The following LRRC49 variants were observed in gnomAD, a reference collection of about 807,000 sequenced individuals.
The protein encoded by LRRC49 is leucine-rich repeat-containing protein 49.
Under a neutral mutation model 83.3 loss-of-function variants are expected in LRRC49, and 50 were observed. The ratio of observed to expected loss-of-function variants is 0.60; its 90% CI spans 0.48 to 0.76. The LOEUF is 0.76. Ranked by LOEUF, LRRC49 falls within the 30% of genes least tolerant of loss-of-function variation. LRRC49 has a pLI of 0.00. For missense variants in LRRC49, 704 were observed against 809.1 expected (o/e 0.87, Z 1.58); for synonymous variants, 286 against 283.3 (o/e 1.01, Z -0.10).
At chr15:70,902,859 C>T (rs1327397813) in intron 4 of LRRC49, among the ~76,000 whole-genome samples, 1 of 152,094 alleles carries the variant, frequency 6.6e-6, no homozygotes, top group Non-Finnish European at 1.5e-5. Context: ...CCTAGAAACT[C>T]CCCTTGAGGG....
intron 8 of LRRC49, among the ~76,000 whole-genome samples, chr15:70,955,331 T>C (rs923130428): frequency 2.0e-5 from 3 of 152,196 alleles, no homozygotes; most frequent in Admixed American, 6.5e-5. Flanking sequence ...GACAGCTCCA[T>C]GGATGTTAAA....
intron 8 of LRRC49, among the ~76,000 whole-genome samples, chr15:70,957,037 A>G (rs2036426203): frequency 6.6e-6 from 1 of 152,192 alleles, no homozygotes; most frequent in African/African-American, 2.4e-5. Flanking sequence ...TATAATGTAT[A>G]CTGGGCATAC....
intron 7 of LRRC49, among the ~76,000 whole-genome samples, chr15:70,935,585 CGAT>C (rs1567059449): frequency 2.6e-5 from 4 of 152,008 alleles, no homozygotes. Flanking sequence ...GGAAGAAAGA[CGAT>C]GATTTATGGA....
At chr15:70,953,840 TC>T (rs2036306333) in intron 8 of LRRC49, among the ~76,000 whole-genome samples, 2 of 152,166 alleles carry the variant, frequency 1.3e-5, no homozygotes, top group African/African-American at 4.8e-5. Flanking sequence ...ATTTTTGTCT[TC>T]CTTTGTTGCT....
chr15:70,909,839 AACACACACAC>A (rs146189261), intron 5 of LRRC49, among the ~76,000 whole-genome samples: 56 of 136,152 alleles, frequency 4.1e-4, no homozygotes, highest in African/African-American at 8.2e-4. Context: ...CTCCATCTCA[AACACACACAC>A]ACACACACAC....
chr15:70,953,384 A>G (rs2036288492), intron 8 of LRRC49, among the ~76,000 whole-genome samples: 1 of 152,030 alleles, frequency 6.6e-6, no homozygotes, highest in Non-Finnish European at 1.5e-5. Context: ...TCCTTTGCTG[A>G]TGAGGTTTAG....
intron 1 of LRRC49, chr15:70,854,103 C>T (rs756309403): frequency 2.4e-6 from 3 of 1,252,280 alleles, no homozygotes; most frequent in Non-Finnish European, 2.0e-6. Flanking sequence ...CGCGGGACTG[C>T]GGCGCCGCCG....
chr15:70,874,040 C>T (rs2033104171), intron 2 of LRRC49, among the ~76,000 whole-genome samples: 1 of 152,102 alleles, frequency 6.6e-6, no homozygotes, highest in Non-Finnish European at 1.5e-5. Flanking sequence ...TGTTAGTAAA[C>T]CAGTGTGTGA....
At position 71,012,879 on chromosome 15, in the gene LRRC49, C is replaced by T; in HGVS notation, c.1669C>T (p.Gln557Ter). The T allele has an allele frequency of 6.2e-7, 1 of 1,612,748 alleles. No homozygotes were observed. The highest frequency in any genetic ancestry group is 8.5e-7 in the Non-Finnish European group (1 of 1,179,190). Residue 557 changes from glutamine (Q) to a stop codon, truncating the protein, a stop_gained, in exon 14 of 16, where the codon CAG (glutamine) becomes TAG (stop). Coordinates refer to ENST00000260382, the MANE Select transcript of LRRC49 (RefSeq NM_017691.5). LOFTEE classifies it high-confidence loss of function. The part of the protein sequence containing the change: ...LAHVASSELP[Q>*]YRLISILGDA... ...ACATGTAGCATCTTCTGAGTTACCCCAGTATCGTCTGATTTCCATTCTGGG... is the reference window on the plus strand; with the variant it reads ...ACATGTAGCATCTTCTGAGTTACCCTAGTATCGTCTGATTTCCATTCTGGG...
At chr15:70,904,804 A>G (rs1406585736) in intron 5 of LRRC49, 49 bp downstream of exon 5, 3 of 1,359,580 alleles carry the variant, frequency 2.2e-6, no homozygotes, top group South Asian at 1.3e-5. Flanking sequence ...GTGTAGGATT[A>G]ATGTGGAGAT....
intron 15 of LRRC49, among the ~76,000 whole-genome samples, chr15:71,042,048 TAAG>T (rs1008678052): frequency 4.6e-5 from 7 of 152,226 alleles, no homozygotes; most frequent in African/African-American, 1.2e-4. Flanking sequence ...TTTATTTTAA[TAAG>T]AAGAGAAAAT....
chr15:71,003,557 G>A (rs1314426335), intron 11 of LRRC49, among the ~76,000 whole-genome samples: 3 of 152,084 alleles, frequency 2.0e-5, no homozygotes, highest in Non-Finnish European at 4.4e-5. Flanking sequence ...TCATTCTCCA[G>A]TCAACCACTA....
At position 71,031,541 on chromosome 15, in the gene LRRC49, CTT is replaced by C. The variant is rs1350008989; in HGVS notation, c.1704-5637_1704-5636del. ...CGTGCACTGTGCTGGGAGAATCCCTCTTGTCAGGATCAGCTGCTGTCTTCAGA... is the reference window on the plus strand; with the variant it reads ...CGTGCACTGTGCTGGGAGAATCCCTCGTCAGGATCAGCTGCTGTCTTCAGA... On this transcript the variant is annotated intron_variant, in intron 14 of 15. Transcript: ENST00000260382. Among the ~76,000 whole-genome samples, 3 of 152,314 alleles carry C rather than the reference CTT, an allele frequency of 2.0e-5. No individual in the cohort carries two copies. In the East Asian group the frequency reaches 5.8e-4, roughly 29 times the overall value.
intron 1 of LRRC49, among the ~76,000 whole-genome samples, chr15:70,863,627 AC>A (rs541060171): frequency 7.5e-4 from 115 of 152,346 alleles, no homozygotes; most frequent in Admixed American, 1.4e-3. Flanking sequence ...GGAGCCAGGC[AC>A]CACAAGCCTG....
chr15:70,965,633 C>A (rs2036768334), intron 9 of LRRC49, among the ~76,000 whole-genome samples: 1 of 151,990 alleles, frequency 6.6e-6, no homozygotes, highest in African/African-American at 2.4e-5. Flanking sequence ...GCATTAATAT[C>A]ATAGCAGTGA....
chr15:70,924,318 T>C (rs2035115837), intron 7 of LRRC49, among the ~76,000 whole-genome samples: 1 of 151,988 alleles, frequency 6.6e-6, no homozygotes, highest in Non-Finnish European at 1.5e-5. Context: ...TTGTAATTAC[T>C]GATATGTTTA....
chr15:70,922,718 G>A (rs1236270773), intron 7 of LRRC49, among the ~76,000 whole-genome samples: 5 of 151,842 alleles, frequency 3.3e-5, no homozygotes, highest in African/African-American at 4.8e-5. Context: ...GGATGGATAC[G>A]CCGTTGTCCA....
At chr15:70,909,182 A>G (rs1272297869) in intron 5 of LRRC49, among the ~76,000 whole-genome samples, 1 of 152,190 alleles carries the variant, frequency 6.6e-6, no homozygotes, top group Non-Finnish European at 1.5e-5. Context: ...TCCCTGATGT[A>G]TAATTTTCAA....
At chr15:70,963,271 G>C (rs1226534201) in intron 8 of LRRC49, among the ~76,000 whole-genome samples, 1 of 116,098 alleles carries the variant, frequency 8.6e-6, no homozygotes, top group Non-Finnish European at 1.8e-5. Flanking sequence ...GTGAGACCTG[G>C]TCTCAAAAAA....
Sources: allele counts gnomAD v4.1 joint callset (sites outside exome capture counted in the v4.1 genomes callset), GRCh38; gene constraint gnomAD v4.1.1; transcripts MANE v1.5; gene names NCBI Gene and HGNC (gene_info 2026-07-23, HGNC 2026-07-21).